SPTA1: variants seen among roughly 807,000 people sequenced by gnomAD.
SPTA1 encodes spectrin alpha, erythrocytic 1.
A neutral mutation model predicts 324.7 loss-of-function variants in SPTA1; 177 were observed. The observed-to-expected ratio is 0.55, with a 90% CI of 0.48 to 0.62. The LOEUF (loss-of-function observed/expected upper bound fraction) is 0.62. Ranked by LOEUF, SPTA1 falls within the 20% of genes least tolerant of loss-of-function variation. SPTA1 has a pLI of 0.00. For synonymous variants in SPTA1, 1,195 were observed against 1,041.3 expected, an observed-to-expected ratio of 1.15 and a Z score of -2.84; for missense variants, 3,162 against 2,883.6, an observed-to-expected ratio of 1.10 and a Z score of -2.21.
chr1:158,617,668 T>A, intron 46 of SPTA1, 80 bp from the exon 47 acceptor site: 1 of 1,368,950 alleles, frequency 7.3e-7, no homozygotes, highest in Non-Finnish European at 1.0e-6. Flanking sequence ...TCGAAGCTCC[T>A]CTGTTTCAAC....
intron 45 of SPTA1, among the ~76,000 whole-genome samples, chr1:158,618,424 T>C (rs908390569): frequency 1.3e-5 from 2 of 152,166 alleles, no homozygotes; most frequent in Non-Finnish European, 2.9e-5. Context: ...TTTTGTTCAT[T>C]TATCGTTGTC....
At chr1:158,647,164 T>C (rs1199092223) in intron 27 of SPTA1, among the ~76,000 whole-genome samples, 1 of 151,990 alleles carries the variant, frequency 6.6e-6, no homozygotes, top group Non-Finnish European at 1.5e-5. Context: ...GCATCATCTA[T>C]TCTACCCAAC....
Position 158,620,310 on chromosome 1 carries a change from C to A in SPTA1, c.6277G>T (p.Ala2093Ser), listed in dbSNP as rs1235629392. ...CATTTAAAGTCTGCTTGAGCCCTAG[C>A]CAGGGAGGCCAAGAAGTCCTCATGG... ...KDHEDFLASLARAQADFKCLL... is the reference protein window; with the variant it reads ...KDHEDFLASLSRAQADFKCLL... The change falls in exon 44 of 52, where the codon GCT becomes TCT. Residue 2093 changes from alanine (A) to serine (S), a missense_variant. By Grantham distance (99) the Ala-to-Ser change is moderately conservative (BLOSUM62 1). Coordinates refer to ENST00000643759, the MANE Select transcript of SPTA1 (RefSeq NM_003126.4). 1.2e-6 allele frequency: 2 copies of A among 1,613,970 alleles called. No homozygotes were observed. The highest frequency in any genetic ancestry group is 1.7e-6 in the Non-Finnish European group (2 of 1,180,036).
chr1:158,668,205 C>A, intron 14 of SPTA1, 143 bp from the exon 15 acceptor site: 5 of 950,350 alleles, frequency 5.3e-6, no homozygotes, highest in East Asian at 5.0e-5. Context: ...CCTAGTCCAA[C>A]GTTTGAGAAA....
rs139026446 is a variant in SPTA1 at position 158,665,701 on chromosome 1, C to T, written c.2220+615G>A. Among the ~76,000 whole-genome samples, 306 of 152,318 alleles carry T rather than the reference C, an allele frequency of 2.0e-3. 3 individuals are homozygous for T. Among genetic ancestry groups the T allele is most frequent in the African/African-American group, 7.2e-3 (298 of 41,572 alleles). ...GCTCTGTTGTTAATTTTCGCTGTCA[C>T]ATTGGGAAAGTCACTTTACTTCTAT... On this transcript the variant is annotated intron_variant, in intron 16 of 51. Transcript: ENST00000643759.
intron 8 of SPTA1, 97 bp downstream of exon 8, chr1:158,676,044 C>A: frequency 6.5e-7 from 1 of 1,537,878 alleles, no homozygotes; most frequent in Admixed American, 1.7e-5. Context: ...AGCTGATTCT[C>A]TCGCTATTTG....
At position 158,611,324 on chromosome 1, in the gene SPTA1, AC is replaced by A. The variant is rs1421435359; in HGVS notation, c.7199del (p.Gly2400ValfsTer32). 3.1e-6 allele frequency: 5 copies of A among 1,613,634 alleles called. No individual in the cohort carries two copies. The highest frequency in any genetic ancestry group is 4.2e-6 in the Non-Finnish European group (5 of 1,179,812). On this transcript the variant is annotated frameshift_variant, in exon 52 of 52. Coordinates refer to ENST00000643759, the MANE Select transcript of SPTA1 (RefSeq NM_003126.4). LOFTEE classifies it high-confidence loss of function. ...THMQQYMDPR[G>X]RSHLSGYDYV... The stretch of plus-strand genomic sequence containing the variant: ...AGTCATAGCCAGAGAGATGGCTTCG[AC>A]CCCGTGGGTCCATATATTGCTGCAT...
In SPTA1 at chr1:158,649,937, G is replaced by A; in HGVS notation, c.3488C>T (p.Ser1163Phe). 1.2e-6 allele frequency: 2 copies of A among 1,612,726 alleles called. No individual in the cohort carries two copies. The highest frequency in any genetic ancestry group is 1.3e-5 in the African/African-American group (1 of 75,030). The change falls in exon 25 of 52, where the codon TCC (serine) becomes TTC (phenylalanine). Residue 1163 changes from serine to phenylalanine, a missense_variant. By Grantham distance (155) the Ser-to-Phe change is radical. Transcript: ENST00000643759. ...AAGCCTCTGCAAAGAACCCCAGCGG[G>A]AATTCAATTCCTAAAAGAGGCAAAA... Reference protein sequence around the residue: ...EGAQIRQELNSRWGSLQRLAD... With the variant: ...EGAQIRQELNFRWGSLQRLAD...
chr1:158,619,091 G>C, intron 45 of SPTA1, 131 bp downstream of exon 45: 2 of 892,758 alleles, frequency 2.2e-6, no homozygotes, highest in Non-Finnish European at 3.7e-6. Flanking sequence ...TAAAGCATAG[G>C]CAAGATATGG....
At chr1:158,661,590 G>T in intron 17 of SPTA1, 181 bp from the exon 18 acceptor site, 3 of 742,468 alleles carry the variant, frequency 4.0e-6, no homozygotes, top group South Asian at 1.8e-5. Context: ...TTCTTCCCCT[G>T]GCCTCTTTTT....
At chr1:158,636,169 G>T in intron 37 of SPTA1, 135 bp from the exon 38 acceptor site, 1 of 1,468,330 alleles carries the variant, frequency 6.8e-7, no homozygotes, top group Non-Finnish European at 9.5e-7. Flanking sequence ...TGAGGGTCCT[G>T]AAAGTCCAGG....
chr1:158,647,843 T>C (rs1652114438), intron 26 of SPTA1, 123 bp from the exon 27 acceptor site: 7 of 1,043,642 alleles, frequency 6.7e-6, no homozygotes, highest in African/African-American at 1.6e-5. Flanking sequence ...AAGTATGTCA[T>C]CATACTTTAC....
intron 16 of SPTA1, among the ~76,000 whole-genome samples, chr1:158,665,796 A>G (rs532926439): frequency 6.6e-6 from 1 of 152,228 alleles, no homozygotes; most frequent in African/African-American, 2.4e-5. Context: ...ATCACAGAAT[A>G]CCTGAACAGG....
intron 41 of SPTA1, 96 bp from the exon 42 acceptor site, chr1:158,626,318 C>CT: frequency 9.0e-7 from 1 of 1,111,854 alleles, no homozygotes; most frequent in Non-Finnish European, 1.3e-6. Context: ...AACAAGAAAG[C>CT]TTCTTGACTC....
In SPTA1 at chr1:158,686,694, C is replaced by T. The variant is rs917735698; in HGVS notation, c.-177G>A. 3.0e-5 allele frequency: 17 copies of T among 566,372 alleles called. No individual in the cohort carries two copies. Among genetic ancestry groups the T allele is most frequent in the Non-Finnish European group, 5.0e-5 (16 of 317,756 alleles). 35.1% of individuals were successfully genotyped at this position (566,372 alleles called of 1,614,324 possible). The stretch of plus-strand genomic sequence containing the variant: ...TAGAATCCCATCAGCCATACACAAT[C>T]GACATTATCTTTAGAAGACATACTC... On this transcript the variant is annotated 5_prime_UTR_variant, in exon 1 of 52. Transcript: ENST00000643759.
rs774632615 is a variant in SPTA1, at chr1:158,662,701, C to T, written c.2464+1G>A. On this transcript the variant is annotated splice_donor_variant, in intron 17 of 51. Coordinates refer to ENST00000643759, the MANE Select transcript of SPTA1 (RefSeq NM_003126.4). LOFTEE classifies it high-confidence loss of function. ...GCTCAGCCTGCTCAGGCTGTACTAACCAAGGTAGGTGGAAGTAGCTGAGGG... is the reference window on the plus strand; with the variant it reads ...GCTCAGCCTGCTCAGGCTGTACTAATCAAGGTAGGTGGAAGTAGCTGAGGG... The T allele has an allele frequency of 1.2e-6, 2 of 1,613,734 alleles. No individual in the cohort carries two copies. Among genetic ancestry groups the T allele is most frequent in the African/African-American group, 1.3e-5 (1 of 74,966 alleles).
At chr1:158,636,387 C>T (rs932479819) in intron 37 of SPTA1, among the ~76,000 whole-genome samples, 1 of 152,162 alleles carries the variant, frequency 6.6e-6, no homozygotes, top group East Asian at 1.9e-4. Context: ...CAACCTGCAT[C>T]CCAATTGTCA....
rs767506564 is a variant in SPTA1, at chr1:158,622,998, C to G, written c.6105G>C (p.Gln2035His). The G allele has an allele frequency of 6.2e-7, 1 of 1,614,126 alleles. No individual in the cohort carries two copies. Among genetic ancestry groups the G allele is most frequent in the Non-Finnish European group, 8.5e-7 (1 of 1,179,962 alleles). Reference sequence around the variant, plus strand: ...TTTTTTAAACCTTCTGTAGAGGCAGCTGTTTCTCCAGCAATTTCTGTCTGT... The same window carrying G: ...TTTTTTAAACCTTCTGTAGAGGCAGGTGTTTCTCCAGCAATTTCTGTCTGT... ...AVHRQKLLEK[Q>H]LPLQKAEDLF... Residue 2035 changes from glutamine (Q) to histidine (H), a missense_variant, in exon 43 of 52, where the codon CAG becomes CAC. Coordinates refer to ENST00000643759, the MANE Select transcript of SPTA1 (RefSeq NM_003126.4).
rs1261923403 is a variant in SPTA1, at chr1:158,676,145, A to G, written c.1108T>C (p.Tyr370His). The G allele has an allele frequency of 3.1e-6, 5 of 1,613,414 alleles. No homozygotes were observed. Among genetic ancestry groups the G allele is most frequent in the Non-Finnish European group, 4.2e-6 (5 of 1,179,656 alleles). Residue 370 changes from tyrosine to histidine, a missense_variant, in exon 8 of 52, where the codon TAT (tyrosine) becomes CAT (histidine). Coordinates refer to ENST00000643759, the MANE Select transcript of SPTA1 (RefSeq NM_003126.4). ...TSRYEKLQAT[Y>H]WYHRFSSDFD... ...TAAAGGGGAGGGATTTCCCACCAAT[A>G]AGTAGCCTGCAGTTTTTCATATCTG...
Sources: gnomAD v4.1 joint callset for allele counts (sites outside exome capture counted in the v4.1 genomes callset) on GRCh38, gnomAD v4.1.1 for gene constraint, MANE v1.5 for transcripts, NCBI Gene and HGNC (gene_info 2026-07-23, HGNC 2026-07-21) for gene names.